FTCDNL1: variants seen among roughly 807,000 people sequenced by gnomAD.
FTCDNL1 encodes the protein formiminotransferase N-terminal subdomain-containing protein.
In FTCDNL1, 11 loss-of-function variants were observed where a neutral mutation model predicts 5.9. The observed-to-expected ratio is 1.87, with a 90% CI of 1.18 to 3.10. FTCDNL1 has a LOEUF of 3.10. Ranked by LOEUF, FTCDNL1 falls within the 30% of genes most tolerant of loss-of-function variation. FTCDNL1 has a pLI of 0.00. For synonymous variants in FTCDNL1, 58 were observed against 24.8 expected (o/e 2.34, Z -3.99); for missense variants, 115 against 65.5 (o/e 1.76, Z -2.61).
chr2:199,730,650 C>CTCA, the FTCDNL1 span, among the ~76,000 whole-genome samples: 2 of 152,208 alleles, frequency 1.3e-5, no homozygotes, highest in African/African-American at 4.8e-5. Flanking sequence ...GAGATGCCAT[C>CTCA]TCATGCAAGT....
chr2:199,809,323 T>A lies in FTCDNL1; in HGVS notation c.*3382A>T, dbSNP rs1700902624. ...CCAAGCTGGTCTCAAACTCCTGGGT[T>A]CAAGTGATCCTCCTACCTTGGCCTC... On this transcript the variant is annotated 3_prime_UTR_variant, in exon 5 of 5. Transcript: ENST00000420128. 6.6e-6 allele frequency among the ~76,000 whole-genome samples: 1 copy of A among 151,872 alleles called. No homozygotes were observed. The highest frequency in any genetic ancestry group is 2.1e-4 in the South Asian group (1 of 4,814).
chr2:199,736,133 T>C, the FTCDNL1 span, among the ~76,000 whole-genome samples: 2 of 152,212 alleles, frequency 1.3e-5, no homozygotes, highest in African/African-American at 2.4e-5. Context: ...TAAAACTGGC[T>C]TTCTGATAAG....
At chr2:199,765,309 G>A (rs1005089559) in intron 3 of FTCDNL1, among the ~76,000 whole-genome samples, 1 of 151,768 alleles carries the variant, frequency 6.6e-6, no homozygotes, top group African/African-American at 2.4e-5. Context: ...CTCTGTGGGG[G>A]GAATGTTGAT....
At chr2:199,689,735 C>T in the FTCDNL1 span, among the ~76,000 whole-genome samples, 1 of 149,334 alleles carries the variant, frequency 6.7e-6, no homozygotes, top group Admixed American at 6.8e-5. Flanking sequence ...CGCTTAAACC[C>T]AGGAGGCAGA....
the FTCDNL1 span, among the ~76,000 whole-genome samples, chr2:199,707,845 AT>A: frequency 2.0e-5 from 3 of 151,442 alleles, no homozygotes; most frequent in Non-Finnish European, 4.4e-5. Flanking sequence ...ACAATGCACT[AT>A]TTTTTTCTCC....
chr2:199,750,004 G>A, the FTCDNL1 span, among the ~76,000 whole-genome samples: 10 of 150,308 alleles, frequency 6.7e-5, no homozygotes, highest in South Asian at 2.2e-4. Flanking sequence ...TCAGGTGACC[G>A]ACATACACAC....
intron 3 of FTCDNL1, among the ~76,000 whole-genome samples, chr2:199,793,711 C>A (rs1275641422): frequency 6.6e-6 from 1 of 152,052 alleles, no homozygotes; most frequent in African/African-American, 2.4e-5. Flanking sequence ...GATTGATATT[C>A]CCCCTTAAAC....
chr2:199,783,490 C>A (rs1458377305), intron 3 of FTCDNL1, among the ~76,000 whole-genome samples: 2 of 152,136 alleles, frequency 1.3e-5, no homozygotes, highest in African/African-American at 4.8e-5. Flanking sequence ...ATGGTATGGG[C>A]CATCATTATC....
At chr2:199,788,658 A>G (rs1208983171) in intron 3 of FTCDNL1, among the ~76,000 whole-genome samples, 1 of 152,084 alleles carries the variant, frequency 6.6e-6, no homozygotes, top group African/African-American at 2.4e-5. Context: ...AATAAACTTA[A>G]AGAAACTAGG....
chr2:199,697,158 G>C, the FTCDNL1 span, among the ~76,000 whole-genome samples: 6 of 152,256 alleles, frequency 3.9e-5, no homozygotes, highest in African/African-American at 1.4e-4. Flanking sequence ...TGTAGTCCCA[G>C]CTACTCGGGA....
the FTCDNL1 span, among the ~76,000 whole-genome samples, chr2:199,738,843 T>A: frequency 2.6e-5 from 4 of 152,222 alleles, no homozygotes; most frequent in South Asian, 8.3e-4. Flanking sequence ...TATCCCTCTC[T>A]CAGTACTATA....
intron 3 of FTCDNL1, among the ~76,000 whole-genome samples, chr2:199,804,033 G>C (rs1407079614): frequency 6.6e-6 from 1 of 152,124 alleles, no homozygotes; most frequent in Non-Finnish European, 1.5e-5. Context: ...TTTTATCTTT[G>C]TGAAATAACA....
chr2:199,695,856 C>T, the FTCDNL1 span, among the ~76,000 whole-genome samples: 1 of 152,224 alleles, frequency 6.6e-6, no homozygotes, highest in African/African-American at 2.4e-5. Flanking sequence ...CACCATACTC[C>T]TCTAGGTGGC....
intron 3 of FTCDNL1, among the ~76,000 whole-genome samples, chr2:199,772,776 C>T (rs1423152608): frequency 6.6e-6 from 1 of 152,172 alleles, no homozygotes; most frequent in East Asian, 1.9e-4. Flanking sequence ...AAGATAAGAC[C>T]TTAAATGTAT....
At chr2:199,746,469 A>T in the FTCDNL1 span, among the ~76,000 whole-genome samples, 3,855 of 152,168 alleles carry the variant, frequency 0.025, 165 homozygotes, top group African/African-American at 0.088. Flanking sequence ...TGTCTATGCC[A>T]TGGTGCCAGC....
intron 3 of FTCDNL1, among the ~76,000 whole-genome samples, chr2:199,794,163 A>G (rs1700066619): frequency 6.6e-6 from 1 of 152,190 alleles, no homozygotes; most frequent in Admixed American, 6.5e-5. Flanking sequence ...AATCCTATCT[A>G]TTTGAGTACA....
At chr2:199,687,161 G>T in the FTCDNL1 span, among the ~76,000 whole-genome samples, 317 of 152,262 alleles carry the variant, frequency 2.1e-3, 2 homozygotes, top group Non-Finnish European at 2.5e-3. Flanking sequence ...TAAAAGTGGT[G>T]CTGCCTTTTA....
At chr2:199,835,050 T>C (rs1702633853) in intron 3 of FTCDNL1, among the ~76,000 whole-genome samples, 1 of 152,148 alleles carries the variant, frequency 6.6e-6, no homozygotes. Flanking sequence ...TGGTGATACA[T>C]GCCTGTAGTC....
chr2:199,688,732 C>A, the FTCDNL1 span, among the ~76,000 whole-genome samples: 5 of 152,294 alleles, frequency 3.3e-5, no homozygotes, highest in Non-Finnish European at 2.9e-5. Flanking sequence ...GACAGGAAGA[C>A]CTTTTCTAGC....
Sources: gnomAD v4.1 joint callset for allele counts (sites outside exome capture counted in the v4.1 genomes callset) on GRCh38, gnomAD v4.1.1 for gene constraint, MANE v1.5 for transcripts, NCBI Gene and HGNC (gene_info 2026-07-23, HGNC 2026-07-21) for gene names.